Variants in AASS observed in about 807,000 individuals in gnomAD.
AASS encodes the protein aminoadipate-semialdehyde synthase, also known as alpha-aminoadipic semialdehyde synthase, mitochondrial.
In AASS, 86 loss-of-function variants were observed where a neutral mutation model predicts 105.4. The observed-to-expected ratio is 0.82, with a 90% confidence interval of 0.69 to 0.98. The LOEUF is 0.98. Ranked by LOEUF, AASS falls within the 50% of genes least tolerant of loss-of-function variation. The pLI is 0.00. For missense variants in AASS, 1,048 were observed against 1,143.2 expected (o/e 0.92, Z 1.20); for synonymous variants, 381 against 394.8 (o/e 0.96, Z 0.41).
intron 4 of AASS, among the ~76,000 whole-genome samples, chr7:122,121,905 T>C (rs1054271849): frequency 1.3e-5 from 2 of 152,122 alleles, no homozygotes; most frequent in Non-Finnish European, 2.9e-5. Context: ...CAGAAAGATA[T>C]TGAAAAGATA....
intron 11 of AASS, among the ~76,000 whole-genome samples, chr7:122,106,071 C>A (rs557000542): frequency 1.3e-5 from 2 of 152,070 alleles, no homozygotes; most frequent in Admixed American, 1.3e-4. Context: ...GATTTTGTAT[C>A]CTGAAACTTT....
intron 8 of AASS, among the ~76,000 whole-genome samples, chr7:122,116,256 T>C (rs1409102443): frequency 2.0e-5 from 3 of 152,328 alleles, no homozygotes; most frequent in East Asian, 1.9e-4. Context: ...GCTGAGATTA[T>C]GGTTGCAATT....
In AASS at chr7:122,092,847, G is replaced by A; in HGVS notation, c.1871C>T (p.Ala624Val). ...TTGGGTACAAATTGGGCTCACCGTG[G>A]CTCCCACTTCCTTGGCTTTATCTAT... ...ETIDKAKEVG[A>V]TIESYISYCG... The change falls in exon 17 of 24, where the codon GCC becomes GTC. Residue 624 changes from alanine (A) to valine (V), a missense_variant. By Grantham distance (64) the Ala-to-Val change is moderately conservative (BLOSUM62 0). Transcript: ENST00000417368. The A allele has an allele frequency of 6.2e-7, 1 of 1,613,398 alleles. No individual in the cohort carries two copies. Among genetic ancestry groups the A allele is most frequent in the Non-Finnish European group, 8.5e-7 (1 of 1,179,474 alleles).
intron 19 of AASS, among the ~76,000 whole-genome samples, chr7:122,083,607 C>A (rs1194540498): frequency 6.6e-6 from 1 of 151,960 alleles, no homozygotes; most frequent in East Asian, 1.9e-4. Context: ...TGCATCACCA[C>A]TGATGACTAA....
rs1795976120 is a variant in AASS, at chr7:122,132,907, T to A, written c.210+610A>T. Among the ~76,000 whole-genome samples the A allele has an allele frequency of 4.6e-5, 7 of 152,030 alleles. No homozygotes were observed. In the South Asian group the frequency reaches 1.5e-3, roughly 32 times the overall value. On this transcript the variant is annotated intron_variant, in intron 2 of 23. Coordinates refer to ENST00000417368, the MANE Select transcript of AASS (RefSeq NM_005763.4). ...GCAATAAAGCTTCATTAAGCCTCAA[T>A]TAAAATAAAAGGCATTTGAGGCAAT...
rs370786291 is a variant in AASS at position 122,076,189 on chromosome 7, CA to C, written c.*299del. 2.5e-3 allele frequency: 687 copies of C among 277,980 alleles called. No homozygotes were observed. Among genetic ancestry groups the C allele is most frequent in the South Asian group, 4.0e-3 (109 of 27,400 alleles). The allele number at this position is 277,980 out of a possible 1,614,324, so 17.2% of individuals were successfully genotyped here. A position where few individuals can be genotyped will look rare whatever the true frequency, so the allele number is the denominator to read the frequency against. On this transcript the variant is annotated 3_prime_UTR_variant, in exon 24 of 24. Transcript: ENST00000417368. Reference sequence around the variant, plus strand: ...ACTCCATCTCAAAAAACAACAACAACAAAAAAAAAACAAAAGAAAAAAAGTG... The same window carrying C: ...ACTCCATCTCAAAAAACAACAACAACAAAAAAAAACAAAAGAAAAAAAGTG...
intron 2 of AASS, among the ~76,000 whole-genome samples, chr7:122,131,629 T>A (rs1795922092): frequency 6.6e-6 from 1 of 151,982 alleles, no homozygotes. Flanking sequence ...TATATATATA[T>A]GTGTGGGCAA....
chr7:122,138,812 CAG>C (rs1796263349), intron 1 of AASS, among the ~76,000 whole-genome samples: 2 of 151,882 alleles, frequency 1.3e-5, no homozygotes, highest in South Asian at 4.2e-4. Context: ...AGGAAAATGA[CAG>C]AGACAGATAG....
intron 4 of AASS, among the ~76,000 whole-genome samples, chr7:122,125,069 T>G (rs1255702221): frequency 6.6e-6 from 1 of 152,018 alleles, no homozygotes; most frequent in African/African-American, 2.4e-5. Context: ...ATTATAGACA[T>G]GCACCACCAA....
intron 2 of AASS, 138 bp downstream of exon 2, chr7:122,133,379 T>C: frequency 1.0e-6 from 1 of 977,136 alleles, no homozygotes; most frequent in Non-Finnish European, 1.6e-6. Context: ...GGAGTAAGCA[T>C]AGGGTGAAAA....
At position 122,081,625 on chromosome 7, in the gene AASS, A is replaced by C. The variant is rs151124568; in HGVS notation, c.2185-30T>G. The C allele has an allele frequency of 1.5e-5, 23 of 1,515,390 alleles. No homozygotes were observed. In the African/African-American group the frequency reaches 2.7e-4, roughly 18 times the overall value. The allele number at this position is 1,515,390 out of a possible 1,614,324, so 93.9% of individuals were successfully genotyped here. ...AACAAGAATTAATAAGCAGTATATA[A>C]AATTTTTCTCTTCCAATGAAAAAAC... On this transcript the variant is annotated intron_variant, in intron 19 of 23. Coordinates refer to ENST00000417368, the MANE Select transcript of AASS (RefSeq NM_005763.4).
chr7:122,093,188 C>T (rs1793989146), intron 15 of AASS, 30 bp from the exon 16 acceptor site: 1 of 1,497,702 alleles, frequency 6.7e-7, no homozygotes, highest in African/African-American at 1.4e-5. Context: ...TAATCAGAAA[C>T]TCCCTTTTTC....
rs368840723 is a variant in AASS at position 122,115,105 on chromosome 7, C to T, written c.1012G>A (p.Gly338Ser). The change falls in exon 9 of 24, where the codon GGT becomes AGT. Residue 338 changes from glycine to serine, a missense_variant. By Grantham distance (56) the Gly-to-Ser change is moderately conservative. Transcript: ENST00000417368. ...LLAPGKFSPA[G>S]VEGCPALPHK... ...GGTAATGCAGGGCAGCCTTCCACACCAGCAGGTGAGAACTTGCCCGGAGCC... is the reference window on the plus strand; with the variant it reads ...GGTAATGCAGGGCAGCCTTCCACACTAGCAGGTGAGAACTTGCCCGGAGCC... The T allele has an allele frequency of 3.7e-6, 6 of 1,613,968 alleles. No individual in the cohort carries two copies. The African/African-American group carries it at 6.7e-5, about 18-fold the overall frequency.
intron 4 of AASS, 25 bp downstream of exon 4, chr7:122,126,350 G>T (rs1795655264): frequency 6.2e-7 from 1 of 1,602,992 alleles, no homozygotes; most frequent in Non-Finnish European, 8.5e-7. Context: ...TAGGAAGTGG[G>T]TGATGTAAGC....
At chr7:122,099,950 T>A (rs1269560278) in intron 13 of AASS, among the ~76,000 whole-genome samples, 1 of 151,974 alleles carries the variant, frequency 6.6e-6, no homozygotes, top group Non-Finnish European at 1.5e-5. Context: ...ATAGTTTGTA[T>A]AATTAAAACA....
At chr7:122,079,017 G>T (rs1793179094) in intron 21 of AASS, 67 bp from the exon 22 acceptor site, 5 of 1,612,860 alleles carry the variant, frequency 3.1e-6, no homozygotes, top group Non-Finnish European at 4.2e-6. Flanking sequence ...GGAAGCAAAA[G>T]GGAGCTCCTT....
Position 122,086,169 on chromosome 7 carries a change from A to C in AASS, c.2027T>G (p.Val676Gly), listed in dbSNP as rs1488099075. 6.2e-7 allele frequency: 1 copy of C among 1,613,258 alleles called. No individual in the cohort carries two copies. Among genetic ancestry groups the C allele is most frequent in the Non-Finnish European group, 8.5e-7 (1 of 1,179,722 alleles). ...TYLLDGKVVNVAGGISFLDAV... is the reference protein window; with the variant it reads ...TYLLDGKVVNGAGGISFLDAV... Reference sequence around the variant, plus strand: ...ATCAAGAAAGGAGATGCCTCCTGCAACATTCACAACCTGAGGAACATTGAG... The same window carrying C: ...ATCAAGAAAGGAGATGCCTCCTGCACCATTCACAACCTGAGGAACATTGAG... Residue 676 changes from valine to glycine, a missense_variant, in exon 19 of 24, where the codon GTT becomes GGT. Val to Gly is a moderately radical substitution (Grantham distance 109). Transcript: ENST00000417368.
intron 21 of AASS, chr7:122,079,342 A>G: frequency 7.3e-7 from 1 of 1,371,518 alleles, no homozygotes; most frequent in South Asian, 1.5e-5. Flanking sequence ...AGGAAAGCAA[A>G]AATACCCCAC....
At chr7:122,131,409 G>A (rs958793522) in intron 2 of AASS, among the ~76,000 whole-genome samples, 1 of 151,104 alleles carries the variant, frequency 6.6e-6, no homozygotes, top group African/African-American at 2.4e-5. Flanking sequence ...ATAGTATTGT[G>A]ATCCTGACAC....
Sources: allele counts gnomAD v4.1 joint callset (sites outside exome capture counted in the v4.1 genomes callset), GRCh38; gene constraint gnomAD v4.1.1; transcripts MANE v1.5; gene names NCBI Gene and HGNC (gene_info 2026-07-23, HGNC 2026-07-21).